MMP12: variants seen among roughly 807,000 people sequenced by gnomAD.
MMP12 encodes macrophage metalloelastase.
A neutral mutation model predicts 45.2 loss-of-function variants in MMP12; 51 were observed. The observed-to-expected ratio is 1.13, with a 90% confidence interval of 0.90 to 1.42. The LOEUF is 1.42. Ranked by LOEUF, MMP12 falls within the 40% of genes most tolerant of loss-of-function variation. The probability of loss-of-function intolerance (pLI) is 0.00; values close to 1 mark genes in which losing one functional copy is unlikely to be tolerated. For missense variants in MMP12, 530 were observed against 570.8 expected, an observed-to-expected ratio of 0.93 and a Z score of 0.73; for synonymous variants, 210 against 193.3, an observed-to-expected ratio of 1.09 and a Z score of -0.72.
chr11:102,872,353 T>C (rs1342348877), intron 2 of MMP12, among the ~76,000 whole-genome samples: 1 of 152,206 alleles, frequency 6.6e-6, no homozygotes, highest in South Asian at 2.1e-4. Context: ...TTTTTTCTTT[T>C]TTTTTGAGAT....
chr11:102,865,713 A>AAGGG lies in MMP12; in HGVS notation c.1205+62_1205+63insCCCT. 1 of 1,392,752 alleles carries AAGGG rather than the reference A, an allele frequency of 7.2e-7. No homozygotes were observed. Among genetic ancestry groups the AAGGG allele is most frequent in the Non-Finnish European group, 9.7e-7 (1 of 1,033,040 alleles). 86.3% of individuals were successfully genotyped at this position (1,392,752 alleles called of 1,614,324 possible). A position where few individuals can be genotyped will look rare whatever the true frequency, so the allele number is the denominator to read the frequency against. On this transcript the variant is annotated intron_variant, in intron 8 of 9. Transcript: ENST00000571244. This position sits in a 1 kb window ranked among gnomAD's most constrained non-coding sequence, Gnocchi z 4.1. The stretch of plus-strand genomic sequence containing the variant: ...TTTGCGCAGAAAATGTGCCTTCTAG[A>AAGGG]AAGCCTCATTCCATATCTGTTTCAC...
Position 102,865,761 on chromosome 11 carries a change from A to G in MMP12, c.1205+15T>C. 3 of 1,596,488 alleles carry G rather than the reference A, an allele frequency of 1.9e-6. No individual in the cohort carries two copies. Among genetic ancestry groups the G allele is most frequent in the Non-Finnish European group, 2.6e-6 (3 of 1,170,390 alleles). On this transcript the variant is annotated intron_variant, in intron 8 of 9. Coordinates refer to ENST00000571244, the MANE Select transcript of MMP12 (RefSeq NM_002426.6). This position sits in a 1 kb window ranked among gnomAD's most constrained non-coding sequence, Gnocchi z 4.1. The stretch of plus-strand genomic sequence containing the variant: ...CACAATCTGAGGGGTCGAATGACCA[A>G]CCATTAAAACTCACCTCCAATACTG...
In MMP12 at chr11:102,865,971, T is replaced by C. The variant is rs781997674; in HGVS notation, c.1046-36A>G. ...AAAGAAATAGGGTAAATTTGAATTA[T>C]ACAGGAAGAGTAATAAGAAAATATT... On this transcript the variant is annotated intron_variant, in intron 7 of 9. Coordinates refer to ENST00000571244, the MANE Select transcript of MMP12 (RefSeq NM_002426.6). This position sits in a 1 kb window ranked among gnomAD's most constrained non-coding sequence, Gnocchi z 4.1. 5 of 1,487,936 alleles carry C rather than the reference T, an allele frequency of 3.4e-6. No homozygotes were observed. Among genetic ancestry groups the C allele is most frequent in the Admixed American group, 1.9e-5 (1 of 53,538 alleles). 92.2% of individuals were successfully genotyped at this position (1,487,936 alleles called of 1,614,324 possible).
At chr11:102,867,426 A>G in intron 5 of MMP12, 33 bp from the exon 6 acceptor site, 1 of 1,585,200 alleles carries the variant, frequency 6.3e-7, no homozygotes, top group Non-Finnish European at 8.6e-7. Flanking sequence ...ATTAGTAAAC[A>G]AAATCTGCAT....
At chr11:102,872,788 GCTGT>G (rs1171094561) in intron 2 of MMP12, 73 bp downstream of exon 2, 11 of 1,483,006 alleles carry the variant, frequency 7.4e-6, no homozygotes, top group African/African-American at 5.6e-5. Flanking sequence ...CAGATTTAGG[GCTGT>G]CTAACTGGTT....
rs1859365814 is a variant in MMP12, at chr11:102,865,355, G to A, written c.1205+421C>T. Among the ~76,000 whole-genome samples the A allele has an allele frequency of 6.6e-6, 1 of 152,068 alleles. No homozygotes were observed. Among genetic ancestry groups the A allele is most frequent in the Admixed American group, 6.5e-5 (1 of 15,276 alleles). On this transcript the variant is annotated intron_variant, in intron 8 of 9. Coordinates refer to ENST00000571244, the MANE Select transcript of MMP12 (RefSeq NM_002426.6). This position sits in a 1 kb window ranked among gnomAD's most constrained non-coding sequence, Gnocchi z 4.1. Reference sequence around the variant, plus strand: ...CTTTCTTTTAAGGAAGATCTTGCAGGACCTCCTGACCTCCTGTCATTTAGA... The same window carrying A: ...CTTTCTTTTAAGGAAGATCTTGCAGAACCTCCTGACCTCCTGTCATTTAGA...
chr11:102,870,599 T>C (rs1035448737), intron 4 of MMP12, among the ~76,000 whole-genome samples: 13 of 152,188 alleles, frequency 8.5e-5, no homozygotes, highest in African/African-American at 3.1e-4. Context: ...TTAAGAAGGC[T>C]TCTGTCATGA....
intron 6 of MMP12, 34 bp downstream of exon 6, chr11:102,867,236 C>T (rs1859405729): frequency 3.9e-6 from 6 of 1,521,170 alleles, no homozygotes; most frequent in Non-Finnish European, 5.3e-6. Flanking sequence ...AAGGCAGAAA[C>T]TTTAATATTG....
chr11:102,863,846 T>A (rs1859336046), intron 9 of MMP12, among the ~76,000 whole-genome samples: 1 of 152,200 alleles, frequency 6.6e-6, no homozygotes, highest in Non-Finnish European at 1.5e-5. Flanking sequence ...CGCTTGCACA[T>A]ACTGTGTGGC....
Position 102,871,706 on chromosome 11 carries a change from G to A in MMP12, c.513C>T (p.Phe171=), listed in dbSNP as rs2134423293. The change falls in exon 4 of 10, where the codon TTC becomes TTT. Residue 171 remains phenylalanine (F), a synonymous_variant. Coordinates refer to ENST00000571244, the MANE Select transcript of MMP12 (RefSeq NM_002426.6). ...VVFARGAHGD[F]HAFDGKGGIL... is the part of the protein sequence containing the mutation. ...TTCCACCTTTGCCATCAAAAGCATG[G>A]AAGTCTCCATGAGCTTTTGGAAAAG... 6.2e-7 allele frequency: 1 copy of A among 1,610,642 alleles called. No individual in the cohort carries two copies. Among genetic ancestry groups the A allele is most frequent in the Non-Finnish European group, 8.5e-7 (1 of 1,178,288 alleles).
At chr11:102,872,055 C>A in intron 2 of MMP12, 103 bp from the exon 3 acceptor site, 1 of 1,264,648 alleles carries the variant, frequency 7.9e-7, no homozygotes, top group African/African-American at 1.5e-5. Context: ...TGGATCATTT[C>A]ATAAATCAAG....
chr11:102,872,434 G>T (rs1859516693), intron 2 of MMP12, among the ~76,000 whole-genome samples: 4 of 151,848 alleles, frequency 2.6e-5, no homozygotes, highest in Non-Finnish European at 5.9e-5. Context: ...TCCGCCTCCT[G>T]GGTTCACGCC....
Position 102,873,024 on chromosome 11 carries a change from A to G in MMP12, c.191T>C (p.Ile64Thr), listed in dbSNP as rs1565235245. 6.2e-7 allele frequency: 1 copy of G among 1,612,922 alleles called. No individual in the cohort carries two copies. Among genetic ancestry groups the G allele is most frequent in the Non-Finnish European group, 8.5e-7 (1 of 1,179,484 alleles). ...KYSGNLMKEKIQEMQHFLGLK... is the reference protein window; with the variant it reads ...KYSGNLMKEKTQEMQHFLGLK... ...ACCCAAGAAGTGCTGCATTTCTTGG[A>G]TTTTTTCCTTCATTAAGTTTCCACT... Residue 64 changes from isoleucine (I) to threonine (T), a missense_variant, in exon 2 of 10, where the codon ATC (isoleucine) becomes ACC (threonine). By Grantham distance (89) the Ile-to-Thr change is moderately conservative. Coordinates refer to ENST00000571244, the MANE Select transcript of MMP12 (RefSeq NM_002426.6).
intron 4 of MMP12, 89 bp downstream of exon 4, chr11:102,871,505 A>C (rs1859494482): frequency 4.0e-6 from 6 of 1,482,490 alleles, no homozygotes; most frequent in Admixed American, 2.1e-5. Flanking sequence ...AGTCTCTCGA[A>C]ACCAGAATTT....
chr11:102,870,561 A>G (rs547978913), intron 4 of MMP12, among the ~76,000 whole-genome samples: 7 of 152,222 alleles, frequency 4.6e-5, no homozygotes, highest in Non-Finnish European at 1.0e-4. Context: ...TGAGGGAGTC[A>G]TAGAATCTAA....
chr11:102,872,102 A>G, intron 2 of MMP12, 150 bp from the exon 3 acceptor site: 1 of 918,730 alleles, frequency 1.1e-6, no homozygotes, highest in South Asian at 2.1e-5. Flanking sequence ...TAACTACAGA[A>G]ACATTTTTTC....
At chr11:102,874,042 A>AAAG (rs1565235595) in intron 1 of MMP12, among the ~76,000 whole-genome samples, 2 of 151,400 alleles carry the variant, frequency 1.3e-5, no homozygotes, top group African/African-American at 4.8e-5. Context: ...AAAAAAAAAA[A>AAAG]AAAGAAAAAG....
rs651159 is a variant in MMP12, at chr11:102,865,688, T to A, written c.1205+88A>T. The A allele has an allele frequency of 3.6e-6, 4 of 1,104,674 alleles. No homozygotes were observed. The Admixed American group carries it at 8.4e-5, about 23-fold the overall frequency. 68.4% of individuals were successfully genotyped at this position (1,104,674 alleles called of 1,614,324 possible). On this transcript the variant is annotated intron_variant, in intron 8 of 9. Transcript: ENST00000571244. This position sits in a 1 kb window ranked among gnomAD's most constrained non-coding sequence, Gnocchi z 4.1. ...CTGGAAGGTCAAGGAGCTTTGGGAATTTGCGCAGAAAATGTGCCTTCTAGA... is the reference window on the plus strand; with the variant it reads ...CTGGAAGGTCAAGGAGCTTTGGGAAATTGCGCAGAAAATGTGCCTTCTAGA...
rs782601924 is a variant in MMP12 at position 102,867,374 on chromosome 11, T to C, written c.807A>G (p.Gln269=). The change falls in exon 6 of 10, where the codon CAA becomes CAG. Residue 269 remains glutamine, a synonymous_variant. Coordinates refer to ENST00000571244, the MANE Select transcript of MMP12 (RefSeq NM_002426.6). ...CTGAATTGTCAGGATTTGGCAAGCG[T>C]TGGTTCTCTTTTGGGTCTCCTGAAA... ...QSLYGDPKEN[Q]RLPNPDNSEP... 6.2e-7 allele frequency: 1 copy of C among 1,610,092 alleles called. No individual in the cohort carries two copies. The highest frequency in any genetic ancestry group is 1.1e-5 in the South Asian group (1 of 89,782).
Sources: gnomAD v4.1 joint callset for allele counts (sites outside exome capture counted in the v4.1 genomes callset) on GRCh38, gnomAD v4.1.1 for gene constraint, Gnocchi (gnomAD v3.1) non-coding constraint, MANE v1.5 for transcripts, NCBI Gene and HGNC (gene_info 2026-07-23, HGNC 2026-07-21) for gene names.